Variants in RXRA observed in about 807,000 individuals in gnomAD.
The protein encoded by RXRA is retinoic acid receptor RXR-alpha.
Under a neutral mutation model 44.5 loss-of-function variants are expected in RXRA, and 5 were observed. The ratio of observed to expected loss-of-function variants is 0.11; its 90% CI spans 0.06 to 0.24. The LOEUF (loss-of-function observed/expected upper bound fraction) is 0.24. RXRA is among the 10% of genes least tolerant of loss of function. The pLI is 1.00. For synonymous variants in RXRA, 291 were observed against 271.4 expected (o/e 1.07, Z -0.71); for missense variants, 412 against 646.5 (o/e 0.64, Z 3.93).
chr9:134,436,412 A>G (rs1003818830), intron 9 of RXRA, 55 bp from the exon 10 acceptor site: 13 of 1,580,254 alleles, frequency 8.2e-6, no homozygotes, highest in Non-Finnish European at 9.5e-6. Context: ...CTCCAGTGCC[A>G]GGGCAGAACT....
intron 7 of RXRA, among the ~76,000 whole-genome samples, chr9:134,430,442 C>T (rs1272608052): frequency 6.6e-6 from 1 of 152,202 alleles, no homozygotes; most frequent in Non-Finnish European, 1.5e-5. Context: ...GGGATTAATG[C>T]CCCAGCAGCA....
chr9:134,389,199 G>A (rs986711202), intron 1 of RXRA, among the ~76,000 whole-genome samples: 9 of 152,236 alleles, frequency 5.9e-5, no homozygotes, highest in African/African-American at 2.2e-4. Flanking sequence ...GCCATTTCAC[G>A]GAACCCGTTT....
chr9:134,413,080 G>C (rs1017005669), intron 4 of RXRA, among the ~76,000 whole-genome samples: 3 of 152,244 alleles, frequency 2.0e-5, no homozygotes, highest in East Asian at 1.9e-4. Flanking sequence ...GGCTGGGCTC[G>C]AGTGTGGCCC....
chr9:134,407,959 C>G lies in RXRA; in HGVS notation c.280-190C>G, dbSNP rs771984108. On this transcript the variant is annotated intron_variant, in intron 2 of 9. Coordinates refer to ENST00000481739, the MANE Select transcript of RXRA (RefSeq NM_002957.6). This position sits in a 1 kb window ranked among gnomAD's most constrained non-coding sequence, Gnocchi z 4.8. ...TGAGGTTGCCACAGCCTCTGCTGGC[C>G]TTGCTGAGCAAGCACAGTGGCCCCG... 3.9e-5 allele frequency among the ~76,000 whole-genome samples: 6 copies of G among 151,958 alleles called. No individual in the cohort carries two copies. Among genetic ancestry groups the G allele is most frequent in the Non-Finnish European group, 7.4e-5 (5 of 67,950 alleles).
intron 7 of RXRA, among the ~76,000 whole-genome samples, chr9:134,429,817 C>G (rs1302118497): frequency 6.6e-6 from 1 of 152,170 alleles, no homozygotes; most frequent in African/African-American, 2.4e-5. Context: ...TCATGTTGCC[C>G]TCCTGGAGTG....
intron 1 of RXRA, among the ~76,000 whole-genome samples, chr9:134,394,847 CA>C (rs1424737368): frequency 1.3e-5 from 2 of 152,192 alleles, no homozygotes; most frequent in Non-Finnish European, 2.9e-5. Flanking sequence ...GAGGCAATGT[CA>C]GGGGGCCCCA....
rs145708904 is a variant in RXRA, at chr9:134,407,088, C to T, written c.280-1061C>T. Among the ~76,000 whole-genome samples, 233 of 152,328 alleles carry T rather than the reference C, an allele frequency of 1.5e-3. 1 individual carries two copies. The highest frequency in any genetic ancestry group is 2.1e-3 in the Non-Finnish European group (146 of 68,028). On this transcript the variant is annotated intron_variant, in intron 2 of 9. Coordinates refer to ENST00000481739, the MANE Select transcript of RXRA (RefSeq NM_002957.6). This position sits in a 1 kb window ranked among gnomAD's most constrained non-coding sequence, Gnocchi z 4.8. ...CAAGCATCCTTGTAAAGCCTCACAG[C>T]CCACCTGGGCAGATCGAGGAAGAAC...
chr9:134,379,115 C>A (rs769005050), intron 1 of RXRA, among the ~76,000 whole-genome samples: 8 of 152,180 alleles, frequency 5.3e-5, no homozygotes, highest in Non-Finnish European at 1.2e-4. Context: ...TGGGGCCACC[C>A]GGCTCCTCCA....
At chr9:134,412,000 C>T (rs1380705942) in intron 4 of RXRA, among the ~76,000 whole-genome samples, 2 of 152,220 alleles carry the variant, frequency 1.3e-5, no homozygotes, top group African/African-American at 4.8e-5. Context: ...CAGGCACCCT[C>T]CTCCCCGGCC....
At chr9:134,401,549 A>G in intron 1 of RXRA, 83 bp from the exon 2 acceptor site, 1 of 1,594,868 alleles carries the variant, frequency 6.3e-7, no homozygotes, top group South Asian at 1.1e-5. Context: ...AGGTGCGTGC[A>G]TCTGTAGCTG....
At chr9:134,380,559 G>T (rs889686967) in intron 1 of RXRA, among the ~76,000 whole-genome samples, 1 of 152,070 alleles carries the variant, frequency 6.6e-6, no homozygotes, top group Non-Finnish European at 1.5e-5. Context: ...GTGATGGTTG[G>T]GGTGTCCAGG....
At chr9:134,344,318 G>A (rs1342295502) in intron 1 of RXRA, among the ~76,000 whole-genome samples, 11 of 152,202 alleles carry the variant, frequency 7.2e-5, no homozygotes, top group African/African-American at 2.7e-4. Context: ...TGCAGCTTGG[G>A]GTCTATCTAG....
chr9:134,333,052 T>G (rs1315344645), intron 1 of RXRA, among the ~76,000 whole-genome samples: 3 of 151,958 alleles, frequency 2.0e-5, no homozygotes, highest in African/African-American at 7.3e-5. Context: ...CTGGATGAAG[T>G]AGGGGGCAGG....
intron 1 of RXRA, among the ~76,000 whole-genome samples, chr9:134,397,687 TG>T (rs1830899936): frequency 6.6e-6 from 1 of 152,186 alleles, no homozygotes; most frequent in Admixed American, 6.5e-5. Context: ...TCACACTGAT[TG>T]CCTGTGGTCC....
At chr9:134,353,394 A>C (rs931496254) in intron 1 of RXRA, among the ~76,000 whole-genome samples, 16 of 152,266 alleles carry the variant, frequency 1.1e-4, no homozygotes, top group Admixed American at 7.2e-4. Context: ...TGGTGAGTGC[A>C]CATGTGTGCA....
intron 1 of RXRA, among the ~76,000 whole-genome samples, chr9:134,389,147 C>T (rs1045957733): frequency 1.3e-5 from 2 of 152,244 alleles, no homozygotes; most frequent in Non-Finnish European, 2.9e-5. Flanking sequence ...TCAGCTCGCT[C>T]CCGTCCCCTG....
intron 1 of RXRA, among the ~76,000 whole-genome samples, chr9:134,376,345 C>G (rs1830557168): frequency 6.6e-6 from 1 of 152,226 alleles, no homozygotes; most frequent in Admixed American, 6.5e-5. Context: ...GTGCTCTGAT[C>G]TGTGCGTGTG....
At position 134,349,342 on chromosome 9, in the gene RXRA, G is replaced by A. The variant is rs1363008490; in HGVS notation, c.28+22683G>A. On this transcript the variant is annotated intron_variant, in intron 1 of 9. Transcript: ENST00000481739. This position sits in a 1 kb window ranked among gnomAD's most constrained non-coding sequence, Gnocchi z 4.3. ...TGGGCCTGTTGGGCCGGGGCGCCTC[G>A]GCCTGGTGGAGGGCTTCGCCGAGCT... Among the ~76,000 whole-genome samples, 1 of 152,178 alleles carries A rather than the reference G, an allele frequency of 6.6e-6. No homozygotes were observed. The highest frequency in any genetic ancestry group is 1.5e-5 in the Non-Finnish European group (1 of 68,026).
intron 1 of RXRA, among the ~76,000 whole-genome samples, chr9:134,357,737 A>T (rs1222904617): frequency 6.6e-6 from 1 of 152,264 alleles, no homozygotes; most frequent in Non-Finnish European, 1.5e-5. Context: ...CACCAGAGGT[A>T]AGCAGAATTG....
Sources: gnomAD v4.1 joint callset for allele counts (sites outside exome capture counted in the v4.1 genomes callset) on GRCh38, gnomAD v4.1.1 for gene constraint, Gnocchi (gnomAD v3.1) non-coding constraint, MANE v1.5 for transcripts, NCBI Gene and HGNC (gene_info 2026-07-23, HGNC 2026-07-21) for gene names.